The following BICRA variants were observed in gnomAD, a reference collection of about 807,000 sequenced individuals.
BICRA encodes BRD4 interacting chromatin remodeling complex associated protein.
A neutral mutation model predicts 96.9 loss-of-function variants in BICRA; 31 were observed. The ratio of observed to expected loss-of-function variants is 0.32; its 90% CI spans 0.24 to 0.43. The LOEUF (loss-of-function observed/expected upper bound fraction) is 0.43, where lower values mean the gene tolerates loss of function less well. Ranked by LOEUF, BICRA falls within the 20% of genes least tolerant of loss-of-function variation. The probability of loss-of-function intolerance (pLI) is 1.00; values close to 1 mark genes in which losing one functional copy is unlikely to be tolerated. For missense variants in BICRA, 2,283 were observed against 2,190.3 expected (o/e 1.04, Z -0.84); for synonymous variants, 1,350 against 1,071.8 (o/e 1.26, Z -5.07).
chr19:47,695,340 T>TCTCC (rs1568577650), intron 9 of BICRA, 25 bp from the exon 10 acceptor site: 1 of 638,814 alleles, frequency 1.6e-6, no homozygotes, highest in Non-Finnish European at 2.8e-6. Flanking sequence ...GCAGGCCCTG[T>TCTCC]CTCCCCCACC....
rs1973435450 is a variant in BICRA at position 47,701,175 on chromosome 19, AG to A, written c.3596-150del. ...TGGGGGAATTTGGGCCTTGCTGAAG[AG>A]GGTCTCACCAAGCCTATCCTGAGGA... On this transcript the variant is annotated intron_variant, in intron 14 of 14. Transcript: ENST00000594866. This position sits in a 1 kb window ranked among gnomAD's most constrained non-coding sequence, Gnocchi z 5.4. 9 of 620,388 alleles carry A rather than the reference AG, an allele frequency of 1.5e-5. No homozygotes were observed. The South Asian group carries it at 1.7e-4, about 12-fold the overall frequency. 38.4% of individuals were successfully genotyped at this position (620,388 alleles called of 1,614,324 possible). A position where few individuals can be genotyped will look rare whatever the true frequency, so the allele number is the denominator to read the frequency against.
intron 1 of BICRA, among the ~76,000 whole-genome samples, chr19:47,621,396 C>T (rs1568547262): frequency 1.3e-5 from 2 of 151,936 alleles, no homozygotes; most frequent in African/African-American, 4.8e-5. Context: ...CTGATGTCTT[C>T]CCAGTGCTTT....
chr19:47,682,497 C>T (rs1383874583), intron 7 of BICRA, among the ~76,000 whole-genome samples: 1 of 152,192 alleles, frequency 6.6e-6, no homozygotes. Flanking sequence ...TCTCCTGAAC[C>T]GTGGCCTCCT....
intron 7 of BICRA, among the ~76,000 whole-genome samples, chr19:47,685,947 G>GTTTT (rs57184017): frequency 7.2e-6 from 1 of 138,640 alleles, no homozygotes; most frequent in Admixed American, 7.3e-5. Flanking sequence ...ATAAGAATTT[G>GTTTT]TTTTTTTTTT....
Position 47,701,559 on chromosome 19 carries a change from C to T in BICRA, c.3827C>T (p.Ser1276Phe). The T allele has an allele frequency of 6.4e-6, 10 of 1,551,796 alleles. No homozygotes were observed. Among genetic ancestry groups the T allele is most frequent in the East Asian group, 2.4e-5 (1 of 40,970 alleles). ...CTGTCCTCCTCTTCCTCCTCCTCCT[C>T]TGCCGCCTCCTCCTTGGACGCCGAC... The part of the protein sequence containing the change: ...SSLSSSSSSS[S>F]AASSLDADED... The change falls in exon 15 of 15, where the codon TCT becomes TTT. Residue 1276 changes from serine (S) to phenylalanine (F), a missense_variant. Ser to Phe is a radical substitution (Grantham distance 155). Coordinates refer to ENST00000594866, the MANE Select transcript of BICRA (RefSeq NM_001394372.1). This position sits in a 1 kb window ranked among gnomAD's most constrained non-coding sequence, Gnocchi z 5.4.
chr19:47,674,736 G>T (rs1382233470), intron 4 of BICRA, among the ~76,000 whole-genome samples: 1 of 152,142 alleles, frequency 6.6e-6, no homozygotes, highest in Non-Finnish European at 1.5e-5. Context: ...CACCACGGGG[G>T]CCTCTCCTTA....
At chr19:47,660,465 A>T (rs549241835) in intron 1 of BICRA, among the ~76,000 whole-genome samples, 8 of 152,244 alleles carry the variant, frequency 5.3e-5, no homozygotes, top group Admixed American at 5.2e-4. Context: ...ATGTTTACAT[A>T]TTTTTTGTGG....
rs908762380 is a variant in BICRA at position 47,694,200 on chromosome 19, A to G, written c.2369A>G (p.His790Arg). Residue 790 changes from histidine to arginine, a missense_variant, in exon 8 of 15, where the codon CAC becomes CGC. His to Arg is a conservative substitution (Grantham distance 29). Coordinates refer to ENST00000594866, the MANE Select transcript of BICRA (RefSeq NM_001394372.1). ...PHQAPLGDSP[H>R]LPSPHPTRPP... ...CAGGCCCCTCTGGGGGACAGCCCCC[A>G]CCTGCCCTCCCCACACCCCACCCGG... 1.4e-6 allele frequency: 1 copy of G among 707,912 alleles called. No homozygotes were observed. The highest frequency in any genetic ancestry group is 1.7e-6 in the Non-Finnish European group (1 of 586,984). 43.9% of individuals were successfully genotyped at this position (707,912 alleles called of 1,614,324 possible). A position where few individuals can be genotyped will look rare whatever the true frequency, so the allele number is the denominator to read the frequency against.
intron 1 of BICRA, among the ~76,000 whole-genome samples, chr19:47,649,675 T>C (rs956402670): frequency 1.3e-5 from 2 of 152,174 alleles, no homozygotes; most frequent in African/African-American, 4.8e-5. Flanking sequence ...GAGGTCGATA[T>C]GGCCAATGGT....
intron 8 of BICRA, 34 bp downstream of exon 8, chr19:47,694,760 C>A: frequency 8.6e-7 from 1 of 1,162,590 alleles, no homozygotes; most frequent in Admixed American, 1.9e-5. Context: ...GCCCCATCAG[C>A]CCCATCCCAT....
chr19:47,631,433 G>T (rs1226709237), intron 1 of BICRA, among the ~76,000 whole-genome samples: 1 of 152,062 alleles, frequency 6.6e-6, no homozygotes, highest in East Asian at 1.9e-4. Context: ...TCACCATATT[G>T]GTCAGGCTGG....
intron 9 of BICRA, 23 bp from the exon 10 acceptor site, chr19:47,695,342 T>TCACCC: frequency 3.2e-6 from 2 of 630,196 alleles, no homozygotes; most frequent in South Asian, 1.9e-5. Flanking sequence ...AGGCCCTGTC[T>TCACCC]CCCCCACCCC....
Position 47,680,850 on chromosome 19 carries a change from G to C in BICRA, c.1680G>C (p.Ser560=), listed in dbSNP as rs762223606. ...GQPALFQMPV[S]LAAGSLPTQS... ...CTGCGCTCTTCCAGATGCCCGTGTC[G>C]CTGGCGGCGGGCAGCCTGCCCACGC... The change falls in exon 6 of 15, where the codon TCG becomes TCC. Residue 560 remains serine, a synonymous_variant. Coordinates refer to ENST00000594866, the MANE Select transcript of BICRA (RefSeq NM_001394372.1). 1.0e-5 allele frequency: 16 copies of C among 1,575,348 alleles called. No homozygotes were observed. The East Asian group carries it at 3.5e-4, about 34-fold the overall frequency.
In BICRA at chr19:47,649,026, T is replaced by C. The variant is rs534018073; in HGVS notation, c.-107-21417T>C. Among the ~76,000 whole-genome samples the C allele has an allele frequency of 3.3e-5, 5 of 152,248 alleles. No individual in the cohort carries two copies. The South Asian group carries it at 1.0e-3, about 32-fold the overall frequency. ...ACCACCACACCTGGCTAATTTTTTG[T>C]ATTTTTAGTACAGACGGGGTTTCAC... On this transcript the variant is annotated intron_variant, in intron 1 of 14. Coordinates refer to ENST00000594866, the MANE Select transcript of BICRA (RefSeq NM_001394372.1).
chr19:47,695,387 C>T lies in BICRA; in HGVS notation c.3099C>T (p.Ala1033=), dbSNP rs765164910. ...AATGLPPLLP[A]ENKAFASNLP... Reference sequence around the variant, plus strand: ...CAGGCCTCCCTCCTCTGCTTCCAGCCGAGAACAAGGCTTTTGCCAGCAACC... The same window carrying T: ...CAGGCCTCCCTCCTCTGCTTCCAGCTGAGAACAAGGCTTTTGCCAGCAACC... The change falls in exon 10 of 15, where the codon GCC becomes GCT. Residue 1033 remains alanine (A), a synonymous_variant. Coordinates refer to ENST00000594866, the MANE Select transcript of BICRA (RefSeq NM_001394372.1). 46 of 1,556,758 alleles carry T rather than the reference C, an allele frequency of 3.0e-5. No individual in the cohort carries two copies. The highest frequency in any genetic ancestry group is 3.7e-5 in the Non-Finnish European group (42 of 1,143,340).
chr19:47,680,841 G>A lies in BICRA; in HGVS notation c.1671G>A (p.Met557Ile). 1.3e-6 allele frequency: 2 copies of A among 1,589,864 alleles called. No individual in the cohort carries two copies. Among genetic ancestry groups the A allele is most frequent in the East Asian group, 2.3e-5 (1 of 43,456 alleles). ...IQVGQPALFQ[M>I]PVSLAAGSLP... Reference sequence around the variant, plus strand: ...TGGGCCAGCCTGCGCTCTTCCAGATGCCCGTGTCGCTGGCGGCGGGCAGCC... The same window carrying A: ...TGGGCCAGCCTGCGCTCTTCCAGATACCCGTGTCGCTGGCGGCGGGCAGCC... Residue 557 changes from methionine to isoleucine, a missense_variant, in exon 6 of 15, where the codon ATG becomes ATA. Physicochemically the swap from Met to Ile is conservative, Grantham distance 10. Coordinates refer to ENST00000594866, the MANE Select transcript of BICRA (RefSeq NM_001394372.1).
intron 1 of BICRA, among the ~76,000 whole-genome samples, chr19:47,628,335 C>T (rs375531964): frequency 1.6e-4 from 24 of 152,138 alleles, no homozygotes; most frequent in African/African-American, 5.1e-4. Context: ...CATTTCTTAA[C>T]TCCCAGGTGA....
intron 1 of BICRA, among the ~76,000 whole-genome samples, chr19:47,660,563 G>A (rs1269032617): frequency 1.3e-5 from 2 of 152,288 alleles, no homozygotes; most frequent in African/African-American, 2.4e-5. Flanking sequence ...TTAAGTCCAC[G>A]TACCAGGTGA....
chr19:47,689,016 G>A (rs1283270515), intron 7 of BICRA, among the ~76,000 whole-genome samples: 4 of 151,830 alleles, frequency 2.6e-5, no homozygotes, highest in Admixed American at 6.6e-5. Flanking sequence ...TTAGAGAGAC[G>A]AGGTTTCACC....
Sources: gnomAD v4.1 joint callset for allele counts (sites outside exome capture counted in the v4.1 genomes callset) on GRCh38, gnomAD v4.1.1 for gene constraint, Gnocchi (gnomAD v3.1) non-coding constraint, MANE v1.5 for transcripts, NCBI Gene and HGNC (gene_info 2026-07-23, HGNC 2026-07-21) for gene names.